The following FER1L6 variants were observed in gnomAD, a reference collection of about 807,000 sequenced individuals.
FER1L6 encodes fer-1-like protein 6.
FER1L6 carries 177 observed loss-of-function variants against 219.2 expected under a neutral mutation model. The ratio of observed to expected loss-of-function variants is 0.81; its 90% CI spans 0.71 to 0.91. FER1L6 has a LOEUF of 0.91. Ranked by LOEUF, FER1L6 falls within the 40% of genes least tolerant of loss-of-function variation. The probability of loss-of-function intolerance (pLI) is 0.00; values close to 1 mark genes in which losing one functional copy is unlikely to be tolerated. For missense variants in FER1L6, 2,153 were observed against 2,259.9 expected, an observed-to-expected ratio of 0.95 and a Z score of 0.96; for synonymous variants, 768 against 824.3, an observed-to-expected ratio of 0.93 and a Z score of 1.17.
Position 124,097,876 on chromosome 8 carries a change from G to C in FER1L6, c.4876G>C (p.Val1626Leu), listed in dbSNP as rs1466320164. 1.3e-6 allele frequency: 2 copies of C among 1,546,718 alleles called. No homozygotes were observed. The highest frequency in any genetic ancestry group is 2.7e-5 in the African/African-American group (2 of 73,532). Residue 1626 changes from valine (V) to leucine (L), a missense_variant, in exon 37 of 41, where the codon GTG (valine) becomes CTG (leucine). Transcript: ENST00000522917. ...AGGCCAAAAATCAAGTGATATTTATGTGAAAGGGTAAGGTTATCAACAAAC... is the reference window on the plus strand; with the variant it reads ...AGGCCAAAAATCAAGTGATATTTATCTGAAAGGGTAAGGTTATCAACAAAC... The part of the protein sequence containing the change: ...FTGQKSSDIY[V>L]KGWLKGLEDD...
rs558157524 is a variant in FER1L6 at position 123,998,304 on chromosome 8, A to G, written c.1520-4863A>G. Among the ~76,000 whole-genome samples, 19 of 150,650 alleles carry G rather than the reference A, an allele frequency of 1.3e-4. No individual in the cohort carries two copies. In the South Asian group the frequency reaches 4.0e-3, roughly 32 times the overall value. On this transcript the variant is annotated intron_variant, in intron 12 of 40. Transcript: ENST00000522917. Reference sequence around the variant, plus strand: ...TACTGCCTTGGTGATCTTGGGTAAGATCCAAAAGAATTCTCTTGATTAATA... The same window carrying G: ...TACTGCCTTGGTGATCTTGGGTAAGGTCCAAAAGAATTCTCTTGATTAATA...
chr8:123,920,074 C>T (rs556038747), intron 1 of FER1L6, among the ~76,000 whole-genome samples: 1 of 152,212 alleles, frequency 6.6e-6, no homozygotes, highest in Non-Finnish European at 1.5e-5. Flanking sequence ...GACTGCAGAG[C>T]ATTACACCCC....
chr8:124,098,633 TAA>T, intron 37 of FER1L6, among the ~76,000 whole-genome samples: 1 of 152,158 alleles, frequency 6.6e-6, no homozygotes. Context: ...ACAAAATGAA[TAA>T]GATTTTAACA....
intron 1 of FER1L6, chr8:123,939,209 C>T: frequency 1.0e-6 from 1 of 984,166 alleles, no homozygotes; most frequent in Non-Finnish European, 1.2e-6. Flanking sequence ...CTAAATAACA[C>T]ATCTTGTCCA....
chr8:123,973,417 G>GCT lies in FER1L6; in HGVS notation c.448-7_448-6dup, dbSNP rs746807122. On this transcript the variant is annotated splice_polypyrimidine_tract_variant and intron_variant, in intron 6 of 40. Transcript: ENST00000522917. ...TCAAGGTAAATCTGCCATACTCCCT[G>GCT]CTCTCTCTCTCCTCAGGTCTTTCAC... 42 of 1,599,986 alleles carry GCT rather than the reference G, an allele frequency of 2.6e-5. No homozygotes were observed. The highest frequency in any genetic ancestry group is 3.5e-5 in the Non-Finnish European group (41 of 1,167,246).
chr8:123,993,467 A>G (rs1021822990), intron 12 of FER1L6, among the ~76,000 whole-genome samples: 1 of 151,514 alleles, frequency 6.6e-6, no homozygotes, highest in African/African-American at 2.4e-5. Context: ...AAAAGGAAGA[A>G]TGTATATCCA....
intron 1 of FER1L6, among the ~76,000 whole-genome samples, chr8:123,940,941 G>A (rs1814216393): frequency 6.6e-6 from 1 of 152,290 alleles, no homozygotes; most frequent in Middle Eastern, 3.4e-3. Context: ...TTTCTCAAAA[G>A]GTTGACTGTA....
chr8:124,012,284 A>G (rs761406732), intron 14 of FER1L6, among the ~76,000 whole-genome samples: 1 of 152,212 alleles, frequency 6.6e-6, no homozygotes, highest in Non-Finnish European at 1.5e-5. Context: ...AAACTCTGAA[A>G]GTGGTCAGGA....
At chr8:124,047,658 G>A (rs985896987) in intron 21 of FER1L6, 2 of 152,136 alleles carry the variant, frequency 1.3e-5, no homozygotes, top group Admixed American at 6.5e-5. Context: ...CCTAAGTCAA[G>A]CCCTTTATGG....
At chr8:123,994,091 C>T (rs1817002816) in intron 12 of FER1L6, among the ~76,000 whole-genome samples, 2 of 152,170 alleles carry the variant, frequency 1.3e-5, no homozygotes, top group African/African-American at 2.4e-5. Flanking sequence ...TAGACTGTGT[C>T]GGTTGGCCTC....
At chr8:123,855,701 G>A (rs7846422) in intron 1 of FER1L6, among the ~76,000 whole-genome samples, 3,437 of 93,000 alleles carry the variant, frequency 0.037, 168 homozygotes, top group African/African-American at 0.15. Context: ...GTGTGTGTGT[G>A]TATATGTACA....
chr8:124,040,474 A>G (rs981499859), intron 20 of FER1L6: 4 of 195,940 alleles, frequency 2.0e-5, no homozygotes, highest in Non-Finnish European at 4.3e-5. Context: ...TAACATCTTT[A>G]TGCTTCACAG....
At chr8:124,009,170 A>T (rs1020089197) in intron 13 of FER1L6, among the ~76,000 whole-genome samples, 2 of 152,220 alleles carry the variant, frequency 1.3e-5, no homozygotes, top group African/African-American at 4.8e-5. Flanking sequence ...TAAAAAGGAA[A>T]AGTTACTTTT....
intron 1 of FER1L6, among the ~76,000 whole-genome samples, chr8:123,955,224 G>A (rs1443101587): frequency 2.0e-5 from 3 of 152,260 alleles, no homozygotes; most frequent in East Asian, 1.9e-4. Flanking sequence ...AGCTGAGATC[G>A]CGCCACTGTT....
intron 18 of FER1L6, among the ~76,000 whole-genome samples, chr8:124,032,430 A>G (rs955299052): frequency 1.3e-5 from 2 of 150,930 alleles, no homozygotes; most frequent in African/African-American, 4.9e-5. Context: ...CTCAAAAAAA[A>G]AGAAAAGAAA....
In FER1L6 at chr8:123,890,088, G is replaced by A. The variant is rs559188481; in HGVS notation, c.-8+37903G>A. ...TTGAGAAAGATTCTTTTTTAATATAGTTAAGCATGAGGTCAGATTTAACAT... is the reference window on the plus strand; with the variant it reads ...TTGAGAAAGATTCTTTTTTAATATAATTAAGCATGAGGTCAGATTTAACAT... On this transcript the variant is annotated intron_variant, in intron 1 of 40. Transcript: ENST00000522917. Among the ~76,000 whole-genome samples, 46 of 152,176 alleles carry A rather than the reference G, an allele frequency of 3.0e-4. 3 individuals carry two copies. In the South Asian group the frequency reaches 9.5e-3, roughly 32 times the overall value.
At chr8:124,005,984 T>TG (rs1337688523) in intron 13 of FER1L6, among the ~76,000 whole-genome samples, 8 of 152,186 alleles carry the variant, frequency 5.3e-5, no homozygotes, top group Non-Finnish European at 1.0e-4. Context: ...TCACCTTCTT[T>TG]GGGGTAATTT....
intron 1 of FER1L6, among the ~76,000 whole-genome samples, chr8:123,940,179 G>C (rs1215418707): frequency 2.6e-5 from 4 of 152,152 alleles, no homozygotes; most frequent in African/African-American, 9.7e-5. Context: ...CTGTAGGTGG[G>C]ATAACAATTG....
chr8:124,013,362 T>C, intron 14 of FER1L6, 69 bp from the exon 15 acceptor site: 1 of 823,444 alleles, frequency 1.2e-6, no homozygotes, highest in Non-Finnish European at 1.8e-6. Flanking sequence ...TAGTACATTA[T>C]AATTAGTATC....
Sources: allele counts gnomAD v4.1 joint callset (sites outside exome capture counted in the v4.1 genomes callset), GRCh38; gene constraint gnomAD v4.1.1; transcripts MANE v1.5; gene names NCBI Gene and HGNC (gene_info 2026-07-23, HGNC 2026-07-21).